The following CUX1 variants were observed in gnomAD, a reference collection of about 807,000 sequenced individuals.
CUX1 encodes the protein protein CASP.
A neutral mutation model predicts 158.8 loss-of-function variants in CUX1; 31 were observed. The observed-to-expected ratio is 0.20, with a 90% CI of 0.15 to 0.26. The LOEUF (loss-of-function observed/expected upper bound fraction) is 0.26. Ranked by LOEUF, CUX1 falls within the 10% of genes least tolerant of loss-of-function variation. The pLI, the probability that CUX1 is intolerant of heterozygous loss-of-function variation, is 1.00. For synonymous variants in CUX1, 879 were observed against 862.1 expected, an observed-to-expected ratio of 1.02 and a Z score of -0.34; for missense variants, 1,589 against 2,014.6, an observed-to-expected ratio of 0.79 and a Z score of 4.04.
rs541788347 is a variant in CUX1, at chr7:102,111,911, A to G, written c.607+137A>G. 33 of 682,884 alleles carry G rather than the reference A, an allele frequency of 4.8e-5. 1 individual carries two copies. In the South Asian group the frequency reaches 5.7e-4, roughly 12 times the overall value. The allele number at this position is 682,884 out of a possible 1,614,324, so 42.3% of individuals were successfully genotyped here. ...TGGGAGCTGCCGGGAGCCCACGCTGAAGAATTCCGCAGCACGCCCGCCAGC... is the reference window on the plus strand; with the variant it reads ...TGGGAGCTGCCGGGAGCCCACGCTGGAGAATTCCGCAGCACGCCCGCCAGC... On this transcript the variant is annotated intron_variant, in intron 7 of 23. Coordinates refer to ENST00000292535, the MANE Select transcript of CUX1 (RefSeq NM_181552.4).
At chr7:101,894,072 T>G (rs529190238) in intron 1 of CUX1, among the ~76,000 whole-genome samples, 103 of 152,370 alleles carry the variant, frequency 6.8e-4, no homozygotes, top group African/African-American at 2.4e-3. Flanking sequence ...CTGTGTTGTC[T>G]GGGCCCGCAT....
intron 7 of CUX1, among the ~76,000 whole-genome samples, chr7:102,114,951 G>A (rs1039772246): frequency 6.8e-6 from 1 of 147,802 alleles, no homozygotes; most frequent in African/African-American, 2.5e-5. Flanking sequence ...GGGAGGGAGG[G>A]AGGGAGGAAA....
At chr7:102,230,862 G>A (rs553023989) in intron 21 of CUX1, among the ~76,000 whole-genome samples, 51 of 152,078 alleles carry the variant, frequency 3.4e-4, no homozygotes, top group African/African-American at 1.1e-3. Flanking sequence ...GTGGCATTTC[G>A]TGTAAATGTT....
chr7:102,057,596 G>A (rs1333299616), intron 3 of CUX1, among the ~76,000 whole-genome samples: 1 of 152,134 alleles, frequency 6.6e-6, no homozygotes, highest in Non-Finnish European at 1.5e-5. Flanking sequence ...CTTCAGTGGA[G>A]GAAGGAACTG....
At chr7:101,893,952 ATCT>A (rs1380128528) in intron 1 of CUX1, among the ~76,000 whole-genome samples, 4 of 152,194 alleles carry the variant, frequency 2.6e-5, no homozygotes, top group Admixed American at 6.5e-5. Flanking sequence ...TAAAAATGAA[ATCT>A]TCTTGTGGAT....
intron 2 of CUX1, among the ~76,000 whole-genome samples, chr7:101,968,235 TC>T (rs1273984371): frequency 1.3e-5 from 2 of 152,222 alleles, no homozygotes; most frequent in East Asian, 3.9e-4. Context: ...TTTTAAAAAA[TC>T]TTCACATAAA....
chr7:102,091,116 C>G (rs1828541582), intron 4 of CUX1, among the ~76,000 whole-genome samples: 2 of 152,132 alleles, frequency 1.3e-5, no homozygotes, highest in South Asian at 4.2e-4. Context: ...GAAACATTTC[C>G]AAATATTCAC....
At chr7:102,020,749 G>A (rs527387067) in intron 2 of CUX1, among the ~76,000 whole-genome samples, 2 of 152,066 alleles carry the variant, frequency 1.3e-5, no homozygotes, top group East Asian at 1.9e-4. Context: ...GCATGGTGGC[G>A]GGCGCCTGTA....
At chr7:102,093,517 A>T (rs1296855663) in intron 4 of CUX1, among the ~76,000 whole-genome samples, 2 of 152,152 alleles carry the variant, frequency 1.3e-5, no homozygotes, top group South Asian at 2.1e-4. Flanking sequence ...AGAATTTTTC[A>T]AAGTCGTTTG....
intron 10 of CUX1, among the ~76,000 whole-genome samples, chr7:102,176,858 C>T (rs782148453): frequency 3.3e-5 from 5 of 151,786 alleles, no homozygotes; most frequent in Non-Finnish European, 7.4e-5. Context: ...CAGGTGTGAG[C>T]CACAGCACCT....
intron 1 of CUX1, among the ~76,000 whole-genome samples, chr7:101,900,055 G>T (rs774062906): frequency 6.6e-6 from 1 of 152,200 alleles, no homozygotes; most frequent in Non-Finnish European, 1.5e-5. Context: ...TGTAGAAAGC[G>T]CCCTGGACAG....
chr7:102,268,846 C>A (rs903732377), intron 14 of CUX1, among the ~76,000 whole-genome samples: 1 of 151,996 alleles, frequency 6.6e-6, no homozygotes, highest in Admixed American at 6.6e-5. Flanking sequence ...ACAACCAGAT[C>A]CCTATCTCAG....
At chr7:101,914,791 G>T (rs1034196675) in intron 1 of CUX1, among the ~76,000 whole-genome samples, 8 of 152,008 alleles carry the variant, frequency 5.3e-5, no homozygotes, top group Admixed American at 2.0e-4. Context: ...GAGCCACCTC[G>T]CCCGGCCTGT....
intron 2 of CUX1, among the ~76,000 whole-genome samples, chr7:101,929,194 A>G (rs535898930): frequency 6.6e-6 from 1 of 152,258 alleles, no homozygotes; most frequent in South Asian, 2.1e-4. Context: ...TAAAAATAAA[A>G]TAAAGCTATA....
At chr7:102,090,249 G>T (rs1188957474) in intron 4 of CUX1, among the ~76,000 whole-genome samples, 1 of 152,110 alleles carries the variant, frequency 6.6e-6, no homozygotes, top group East Asian at 1.9e-4. Context: ...TATCCAAAAT[G>T]CTTGGAATCA....
intron 2 of CUX1, among the ~76,000 whole-genome samples, chr7:102,019,959 T>C (rs1819152564): frequency 6.6e-6 from 1 of 152,238 alleles, no homozygotes; most frequent in African/African-American, 2.4e-5. Flanking sequence ...TTAAACCAGA[T>C]TTCTTTTATT....
chr7:102,117,926 C>T (rs1585756697), intron 8 of CUX1, among the ~76,000 whole-genome samples: 1 of 152,158 alleles, frequency 6.6e-6, no homozygotes, highest in African/African-American at 2.4e-5. Context: ...GGACCAACCA[C>T]GTAATGTAAT....
chr7:102,046,408 T>C (rs1365979195), intron 3 of CUX1, among the ~76,000 whole-genome samples: 3 of 151,950 alleles, frequency 2.0e-5, no homozygotes, highest in Admixed American at 6.6e-5. Flanking sequence ...AATTTTTATA[T>C]GTTTAGTAGA....
At chr7:101,845,502 T>C (rs1004802123) in intron 1 of CUX1, among the ~76,000 whole-genome samples, 7 of 152,128 alleles carry the variant, frequency 4.6e-5, no homozygotes, top group African/African-American at 1.7e-4. Flanking sequence ...TACCTCCTAC[T>C]GAGACCCACT....
Sources: allele counts gnomAD v4.1 joint callset (sites outside exome capture counted in the v4.1 genomes callset), GRCh38; gene constraint gnomAD v4.1.1; transcripts MANE v1.5; gene names NCBI Gene and HGNC (gene_info 2026-07-23, HGNC 2026-07-21).